Variants in RPH3A observed in about 807,000 individuals in gnomAD.
RPH3A encodes rabphilin 3A.
A neutral mutation model predicts 102.2 loss-of-function variants in RPH3A; 48 were observed. That is an observed-to-expected ratio of 0.47 (90% CI 0.37 to 0.60). RPH3A has a LOEUF of 0.60. RPH3A is among the 20% of genes least tolerant of loss of function. The pLI, the probability that RPH3A is intolerant of heterozygous loss-of-function variation, is 0.00. For synonymous variants in RPH3A, 310 were observed against 324.3 expected (o/e 0.96, Z 0.47); for missense variants, 781 against 910.1 (o/e 0.86, Z 1.83).
At chr12:112,887,960 G>T in intron 17 of RPH3A, 37 bp downstream of exon 17, 1 of 1,605,694 alleles carries the variant, frequency 6.2e-7, no homozygotes, top group Non-Finnish European at 8.5e-7. Context: ...ATGGGAGGAG[G>T]GGAGATTGGG....
chr12:112,727,368 G>A (rs1220649568), intron 1 of RPH3A, among the ~76,000 whole-genome samples: 2 of 143,692 alleles, frequency 1.4e-5, no homozygotes, highest in Non-Finnish European at 3.0e-5. Context: ...TCCGGCCTGG[G>A]CGACAGAGCA....
intron 1 of RPH3A, among the ~76,000 whole-genome samples, chr12:112,637,896 T>C (rs1216007027): frequency 6.6e-6 from 1 of 151,684 alleles, no homozygotes; most frequent in East Asian, 1.9e-4. Flanking sequence ...AAGGATGGTG[T>C]CTGCCAGTTG....
chr12:112,591,797 C>A (rs1215938754), intron 1 of RPH3A, among the ~76,000 whole-genome samples: 3 of 152,168 alleles, frequency 2.0e-5, no homozygotes, highest in Non-Finnish European at 4.4e-5. Flanking sequence ...TCATTTATTT[C>A]TTTTCATCTG....
chr12:112,803,892 C>T (rs1272517433), intron 2 of RPH3A, among the ~76,000 whole-genome samples: 1 of 152,144 alleles, frequency 6.6e-6, no homozygotes, highest in Non-Finnish European at 1.5e-5. Flanking sequence ...CCTCTCTGGC[C>T]TCAGTTTACT....
intron 2 of RPH3A, among the ~76,000 whole-genome samples, chr12:112,826,380 G>A (rs372172809): frequency 6.1e-4 from 93 of 152,238 alleles, no homozygotes; most frequent in Admixed American, 2.1e-3. Flanking sequence ...TTTAGTCTAG[G>A]AGCAACAGGG....
intron 1 of RPH3A, among the ~76,000 whole-genome samples, chr12:112,743,037 C>T (rs1592975091): frequency 6.6e-6 from 1 of 152,186 alleles, no homozygotes; most frequent in African/African-American, 2.4e-5. Context: ...GTCCTACTTC[C>T]TCTTCTGTAG....
At chr12:112,697,977 A>C (rs1410188653) in intron 1 of RPH3A, among the ~76,000 whole-genome samples, 1 of 152,232 alleles carries the variant, frequency 6.6e-6, no homozygotes, top group African/African-American at 2.4e-5. Context: ...GTTTTGAAAA[A>C]ATAAGTTGGA....
intron 1 of RPH3A, among the ~76,000 whole-genome samples, chr12:112,648,606 G>A (rs1378623820): frequency 1.1e-4 from 3 of 28,458 alleles, no homozygotes; most frequent in African/African-American, 1.6e-4. Context: ...AAAGCTAGGT[G>A]TTGTGGCACA....
intron 1 of RPH3A, among the ~76,000 whole-genome samples, chr12:112,703,616 G>A (rs1436915102): frequency 6.6e-6 from 1 of 152,176 alleles, no homozygotes; most frequent in East Asian, 1.9e-4. Context: ...AGCAGATCCT[G>A]AATTCCAGTG....
At position 112,881,795 on chromosome 12, in the gene RPH3A, C is replaced by T. The variant is rs2240194; in HGVS notation, c.1275C>T (p.Asn425=). 0.43 allele frequency: 687,621 copies of T among 1,608,210 alleles called. 151,754 individuals are homozygous for T. Among genetic ancestry groups the T allele is most frequent in the African/African-American group, 0.66 (49,565 of 74,770 alleles). The change falls in exon 15 of 22, where the codon AAC becomes AAT. Residue 425 remains asparagine, a synonymous_variant. Transcript: ENST00000389385. ...KAKGLKPMDS[N]GLADPYVKLH... ...AGGGCCTGAAGCCCATGGATTCAAA[C>T]GGCTTGGCTGATCCCTACGTTAAGC...
intron 2 of RPH3A, among the ~76,000 whole-genome samples, chr12:112,827,590 G>T (rs1320381452): frequency 6.6e-6 from 1 of 152,200 alleles, no homozygotes; most frequent in African/African-American, 2.4e-5. Flanking sequence ...GATCAGCATA[G>T]TAGCAATGCA....
rs925656009 is a variant in RPH3A, at chr12:112,828,509, T to C, written c.71+120T>C. 4.2e-6 allele frequency: 3 copies of C among 713,308 alleles called. No homozygotes were observed. In the Admixed American group the frequency reaches 8.7e-5, roughly 21 times the overall value. The allele number at this position is 713,308 out of a possible 1,614,324, so 44.2% of individuals were successfully genotyped here. Reference sequence around the variant, plus strand: ...CTGAGGAAGGGGGAGAGGAACCTAATGGGAGTTTAGTCATGAAAACATCTC... The same window carrying C: ...CTGAGGAAGGGGGAGAGGAACCTAACGGGAGTTTAGTCATGAAAACATCTC... On this transcript the variant is annotated intron_variant, in intron 3 of 21. Transcript: ENST00000389385.
At chr12:112,702,478 T>C (rs1349074460) in intron 1 of RPH3A, among the ~76,000 whole-genome samples, 1 of 152,194 alleles carries the variant, frequency 6.6e-6, no homozygotes, top group African/African-American at 2.4e-5. Context: ...GCAGGTACAA[T>C]GGCCTGCCTC....
At chr12:112,828,496 G>T in intron 3 of RPH3A, 107 bp downstream of exon 3, 1 of 795,896 alleles carries the variant, frequency 1.3e-6, no homozygotes. Context: ...GAGGAAGGGG[G>T]AGAGGAACCT....
At chr12:112,694,781 T>C (rs1331576501) in intron 1 of RPH3A, among the ~76,000 whole-genome samples, 2 of 152,244 alleles carry the variant, frequency 1.3e-5, no homozygotes, top group African/African-American at 4.8e-5. Flanking sequence ...AGCTACTTGA[T>C]CTTTCTCATC....
intron 1 of RPH3A, among the ~76,000 whole-genome samples, chr12:112,617,357 G>A (rs1008213365): frequency 6.6e-6 from 1 of 152,144 alleles, no homozygotes; most frequent in African/African-American, 2.4e-5. Flanking sequence ...TCCCCAAATG[G>A]CCACCCTTGT....
intron 1 of RPH3A, among the ~76,000 whole-genome samples, chr12:112,640,428 T>C (rs2039880895): frequency 7.3e-6 from 1 of 136,528 alleles, no homozygotes; most frequent in Admixed American, 7.8e-5. Context: ...CTCTAATAAC[T>C]AGGGGCTTAT....
At chr12:112,587,286 T>C (rs549631368) in intron 1 of RPH3A, among the ~76,000 whole-genome samples, 1 of 152,302 alleles carries the variant, frequency 6.6e-6, no homozygotes, top group African/African-American at 2.4e-5. Flanking sequence ...TACATATCAG[T>C]TTCTTTAGGA....
chr12:112,654,570 G>A (rs982804891), intron 1 of RPH3A, among the ~76,000 whole-genome samples: 5 of 151,966 alleles, frequency 3.3e-5, no homozygotes, highest in Admixed American at 1.3e-4. Context: ...CCCATTCTTG[G>A]CAAATCCTTT....
Sources: gnomAD v4.1 joint callset for allele counts (sites outside exome capture counted in the v4.1 genomes callset) on GRCh38, gnomAD v4.1.1 for gene constraint, MANE v1.5 for transcripts, NCBI Gene and HGNC (gene_info 2026-07-23, HGNC 2026-07-21) for gene names.